HYKK: variants seen among roughly 807,000 people sequenced by gnomAD.
The protein encoded by HYKK is 5-hydroxy-L-lysine kinase.
A neutral mutation model predicts 29.7 loss-of-function variants in HYKK; 19 were observed. The ratio of observed to expected loss-of-function variants is 0.64; its 90% confidence interval spans 0.45 to 0.94. The LOEUF is 0.94. HYKK is among the 40% of genes least tolerant of loss of function. The probability of loss-of-function intolerance (pLI) is 0.00; values close to 1 mark genes in which losing one functional copy is unlikely to be tolerated. For missense variants in HYKK, 390 were observed against 443.4 expected (o/e 0.88, Z 1.08); for synonymous variants, 152 against 158.1 (o/e 0.96, Z 0.29).
At chr15:78,508,703 G>C (rs763875194) in intron 1 of HYKK, among the ~76,000 whole-genome samples, 1 of 151,780 alleles carries the variant, frequency 6.6e-6, no homozygotes, top group South Asian at 2.1e-4. Context: ...TTAAAAATGT[G>C]TGAGTGGGCA....
intron 4 of HYKK, 33 bp from the exon 5 acceptor site, chr15:78,533,177 A>G (rs1329109491): frequency 3.7e-6 from 5 of 1,336,260 alleles, no homozygotes; most frequent in East Asian, 2.3e-5. Context: ...GGGATATTCA[A>G]TAACTGTTTT....
intron 4 of HYKK, chr15:78,527,892 G>T (rs534968516): frequency 5.7e-4 from 158 of 276,860 alleles, no homozygotes; most frequent in African/African-American, 3.3e-3. Flanking sequence ...TCTGCAACCT[G>T]CCTTTTCTAT....
rs2052346761 is a variant in HYKK, at chr15:78,534,805, C to G, written c.*1135C>G. On this transcript the variant is annotated 3_prime_UTR_variant, in exon 5 of 5. Transcript: ENST00000388988. ...AAGGAAGCAAATAATGACATCCAGG[C>G]AAGGCCACTAACCCCTGAGCTACTT... 6.6e-6 allele frequency: 1 copy of G among 152,190 alleles called. No individual in the cohort carries two copies. The highest frequency in any genetic ancestry group is 6.5e-5 in the Admixed American group (1 of 15,276). 9.4% of individuals were successfully genotyped at this position (152,190 alleles called of 1,614,324 possible). A position where few individuals can be genotyped will look rare whatever the true frequency, so the allele number is the denominator to read the frequency against.
intron 3 of HYKK, among the ~76,000 whole-genome samples, chr15:78,520,385 G>GCCTT (rs1160549076): frequency 1.3e-5 from 2 of 152,104 alleles, no homozygotes; most frequent in Admixed American, 1.3e-4. Flanking sequence ...GGACCCTGCG[G>GCCTT]CCTTCCACAG....
chr15:78,524,835 C>A (rs549908398), intron 3 of HYKK, among the ~76,000 whole-genome samples: 98 of 151,992 alleles, frequency 6.4e-4, no homozygotes, highest in African/African-American at 2.1e-3. Context: ...ACAACAACAA[C>A]AAAAAACAGG....
At chr15:78,512,292 T>A (rs184969669) in intron 1 of HYKK, among the ~76,000 whole-genome samples, 1 of 152,298 alleles carries the variant, frequency 6.6e-6, no homozygotes, top group East Asian at 1.9e-4. Context: ...AAGATCACTG[T>A]ATTTGAATTT....
At chr15:78,531,722 G>C (rs1159731074) in intron 4 of HYKK, among the ~76,000 whole-genome samples, 2 of 152,008 alleles carry the variant, frequency 1.3e-5, no homozygotes, top group African/African-American at 4.8e-5. Flanking sequence ...ATAGAAACAG[G>C]GTTTCACTAC....
chr15:78,508,734 TA>T (rs1475019757), intron 1 of HYKK, among the ~76,000 whole-genome samples: 1 of 151,722 alleles, frequency 6.6e-6, no homozygotes, highest in African/African-American at 2.4e-5. Flanking sequence ...ACACTGTCTC[TA>T]AAAAAATAAA....
At position 78,536,060 on chromosome 15, in the gene HYKK, C is replaced by T. The variant is rs191587795; in HGVS notation, c.*2390C>T. On this transcript the variant is annotated 3_prime_UTR_variant, in exon 5 of 5. Transcript: ENST00000388988. Reference sequence around the variant, plus strand: ...TATATAATAAAAGCCAACATTTATTCAGCACTGAAGTATTTTATACACATT... The same window carrying T: ...TATATAATAAAAGCCAACATTTATTTAGCACTGAAGTATTTTATACACATT... 3.3e-5 allele frequency: 5 copies of T among 152,274 alleles called. No individual in the cohort carries two copies. Among genetic ancestry groups the T allele is most frequent in the African/African-American group, 1.2e-4 (5 of 41,544 alleles). The allele number at this position is 152,274 out of a possible 1,614,324, so 9.4% of individuals were successfully genotyped here.
downstream of HYKK, among the ~76,000 whole-genome samples, chr15:78,536,851 A>C (rs2052367342): frequency 6.6e-6 from 1 of 152,306 alleles, no homozygotes; most frequent in Non-Finnish European, 1.5e-5. Flanking sequence ...AGTAAGGAAG[A>C]TCCCCCTCAC....
At position 78,513,422 on chromosome 15, in the gene HYKK, G is replaced by C; in HGVS notation, c.334G>C (p.Val112Leu). 6.2e-7 allele frequency: 1 copy of C among 1,609,274 alleles called. No individual in the cohort carries two copies. The highest frequency in any genetic ancestry group is 8.5e-7 in the Non-Finnish European group (1 of 1,177,496). The change falls in exon 2 of 5, where the codon GTA (valine) becomes CTA (leucine). Residue 112 changes from valine (V) to leucine (L), a missense_variant. Physicochemically the swap from Val to Leu is conservative, Grantham distance 32. Transcript: ENST00000388988. ...AGACAACACAGCTTCTCTCGTGTCT[G>C]TAGGTAAGAGATGACCAATTCGCCG... ...KGDNTASLVSVDSGSEIKSYL... is the reference protein window; with the variant it reads ...KGDNTASLVSLDSGSEIKSYL...
chr15:78,515,497 C>T (rs1426595763), intron 3 of HYKK, among the ~76,000 whole-genome samples: 1 of 152,004 alleles, frequency 6.6e-6, no homozygotes. Flanking sequence ...GCAGGAGAAT[C>T]GCTTGAGCCA....
At chr15:78,519,573 A>C (rs2052170226) in intron 3 of HYKK, among the ~76,000 whole-genome samples, 1 of 152,172 alleles carries the variant, frequency 6.6e-6, no homozygotes, top group Admixed American at 6.5e-5. Context: ...CAGCCTGGCC[A>C]ACATAATGAA....
At chr15:78,515,236 G>C (rs1180689864) in intron 3 of HYKK, 129 bp downstream of exon 3, 1 of 549,182 alleles carries the variant, frequency 1.8e-6, no homozygotes, top group Non-Finnish European at 2.9e-6. Context: ...GAAGGGAATG[G>C]AGTCCTAGAG....
At chr15:78,525,863 AC>A (rs764043298) in intron 3 of HYKK, among the ~76,000 whole-genome samples, 1 of 152,152 alleles carries the variant, frequency 6.6e-6, no homozygotes, top group Non-Finnish European at 1.5e-5. Flanking sequence ...GTTTACTGAG[AC>A]TTTTTCTTTA....
At chr15:78,521,704 G>A (rs10519203) in intron 3 of HYKK, among the ~76,000 whole-genome samples, 103,060 of 151,862 alleles carry the variant, frequency 0.68, 35,258 homozygotes, top group East Asian at 0.91. Context: ...GTCTTAGTGA[G>A]TCCACAATTG....
chr15:78,531,307 G>T (rs2052309851), intron 4 of HYKK, among the ~76,000 whole-genome samples: 1 of 152,162 alleles, frequency 6.6e-6, no homozygotes, highest in African/African-American at 2.4e-5. Flanking sequence ...TGGTTCATGT[G>T]TGCTTTAAAA....
intron 3 of HYKK, among the ~76,000 whole-genome samples, chr15:78,525,608 C>T (rs543720281): frequency 6.6e-6 from 1 of 152,254 alleles, no homozygotes; most frequent in African/African-American, 2.4e-5. Context: ...AGCGATTCTC[C>T]TGCCTCAGCC....
intron 4 of HYKK, chr15:78,528,502 TG>T: frequency 1.0e-6 from 1 of 985,458 alleles, no homozygotes; most frequent in Non-Finnish European, 1.2e-6. Flanking sequence ...CATTAAGTAC[TG>T]GTCAAAGGCA....
Sources: allele counts gnomAD v4.1 joint callset (sites outside exome capture counted in the v4.1 genomes callset), GRCh38; gene constraint gnomAD v4.1.1; transcripts MANE v1.5; gene names NCBI Gene and HGNC (gene_info 2026-07-23, HGNC 2026-07-21).